RNF157: variants seen among roughly 807,000 people sequenced by gnomAD.
The protein encoded by RNF157 is E3 ubiquitin ligase RNF157.
A neutral mutation model predicts 88.3 loss-of-function variants in RNF157; 55 were observed. The observed-to-expected ratio is 0.62, with a 90% CI of 0.50 to 0.78. The LOEUF is 0.78. Among genes scored for constraint, RNF157 ranks in the 30% least tolerant of loss-of-function variants. The pLI is 0.00. For synonymous variants in RNF157, 334 were observed against 341.2 expected, an observed-to-expected ratio of 0.98 and a Z score of 0.23; for missense variants, 788 against 860.8, an observed-to-expected ratio of 0.92 and a Z score of 1.06.
At chr17:76,148,504 T>C (rs1021917756) in intron 18 of RNF157, among the ~76,000 whole-genome samples, 9 of 151,756 alleles carry the variant, frequency 5.9e-5, no homozygotes, top group African/African-American at 2.2e-4. Flanking sequence ...CCTGATCTTG[T>C]GATCCGCCCA....
intron 1 of RNF157, among the ~76,000 whole-genome samples, chr17:76,219,294 AG>A (rs2069941667): frequency 1.3e-5 from 2 of 151,982 alleles, no homozygotes; most frequent in South Asian, 2.1e-4. Context: ...GACTACATAA[AG>A]ACTATATAAA....
At chr17:76,231,710 G>C (rs2070196228) in intron 1 of RNF157, among the ~76,000 whole-genome samples, 1 of 152,062 alleles carries the variant, frequency 6.6e-6, no homozygotes, top group Non-Finnish European at 1.5e-5. Flanking sequence ...TCAAGCTCTT[G>C]TCTTTATTTT....
chr17:76,167,060 C>T lies in RNF157; in HGVS notation c.510G>A (p.Gln170=), dbSNP rs1330287263. ...CCACGGTGTGGGAGGGCAGGCAGAA[C>T]TGCTGACACACTCCTCGCTTGTACT... is the stretch of plus-strand genomic sequence containing the variant. ...TVQYKRGVCQ[Q]FCLPSHTVDP... is the part of the protein sequence containing the mutation. The change falls in exon 5 of 19, where the codon CAG becomes CAA. Residue 170 remains glutamine (Q), a synonymous_variant. Coordinates refer to ENST00000269391, the MANE Select transcript of RNF157 (RefSeq NM_052916.3). The T allele has an allele frequency of 1.9e-6, 3 of 1,612,988 alleles. No individual in the cohort carries two copies. The highest frequency in any genetic ancestry group is 1.7e-5 in the Admixed American group (1 of 59,868).
At chr17:76,191,414 C>T (rs1005584605) in intron 2 of RNF157, among the ~76,000 whole-genome samples, 2 of 151,920 alleles carry the variant, frequency 1.3e-5, no homozygotes, top group Non-Finnish European at 2.9e-5. Flanking sequence ...AGTTTAAGAC[C>T]AGCCTGGCCA....
chr17:76,240,066 C>A lies in RNF157; in HGVS notation c.88+87G>T. 1.3e-6 allele frequency: 1 copy of A among 747,496 alleles called. No individual in the cohort carries two copies. Among genetic ancestry groups the A allele is most frequent in the Non-Finnish European group, 1.8e-6 (1 of 560,962 alleles). The allele number at this position is 747,496 out of a possible 1,614,324, so 46.3% of individuals were successfully genotyped here. ...CCGCAACCACTGAGTCCCCGAAGAC[C>A]CGCGGGGCCCCCTCAGGCCGTCCCG... On this transcript the variant is annotated intron_variant, in intron 1 of 18. Transcript: ENST00000269391. The surrounding 1 kb of genome is among the most constrained non-coding windows in gnomAD (Gnocchi z 4.4).
chr17:76,214,152 CTT>C (rs1422917457), intron 1 of RNF157, among the ~76,000 whole-genome samples: 1 of 152,136 alleles, frequency 6.6e-6, no homozygotes, highest in Non-Finnish European at 1.5e-5. Flanking sequence ...GGGGGGCAGT[CTT>C]GTGAGATTGC....
chr17:76,158,043 C>T (rs2068792054), intron 13 of RNF157, among the ~76,000 whole-genome samples: 1 of 152,116 alleles, frequency 6.6e-6, no homozygotes, highest in African/African-American at 2.4e-5. Context: ...CACTCCCTTC[C>T]CACATGTCAC....
At chr17:76,225,872 T>A in intron 1 of RNF157, 1 of 1,613,552 alleles carries the variant, frequency 6.2e-7, no homozygotes, top group Non-Finnish European at 8.5e-7. Flanking sequence ...CTTTTCCAGC[T>A]CTTTGCACTC....
intron 13 of RNF157, 94 bp downstream of exon 13, chr17:76,158,299 A>C: frequency 2.4e-6 from 2 of 820,586 alleles, no homozygotes; most frequent in Non-Finnish European, 4.2e-6. Context: ...GTGTTTGATG[A>C]GTGAATGAGA....
intron 17 of RNF157, chr17:76,153,023 AGT>A (rs1350909381): frequency 6.6e-5 from 10 of 152,534 alleles, no homozygotes; most frequent in African/African-American, 2.4e-4. Context: ...TGTTATTTTC[AGT>A]GTGTTTTAAG....
Position 76,161,453 on chromosome 17 carries a change from G to T in RNF157, c.1065+82C>A. 9.5e-7 allele frequency: 1 copy of T among 1,053,994 alleles called. No individual in the cohort carries two copies. Among genetic ancestry groups the T allele is most frequent in the Non-Finnish European group, 1.5e-6 (1 of 675,108 alleles). 65.3% of individuals were successfully genotyped at this position (1,053,994 alleles called of 1,614,324 possible). On this transcript the variant is annotated intron_variant, in intron 11 of 18. Transcript: ENST00000269391. The surrounding 1 kb of genome is among the most constrained non-coding windows in gnomAD (Gnocchi z 4.6). ...CCCTGGTCTAATTCCTTGCTGCAATGCCACGTAGAGAAGCATGAAAAGTTT... is the reference window on the plus strand; with the variant it reads ...CCCTGGTCTAATTCCTTGCTGCAATTCCACGTAGAGAAGCATGAAAAGTTT...
chr17:76,146,772 C>T lies in RNF157; in HGVS notation c.1922-1419G>A. The T allele has an allele frequency of 1.0e-6, 1 of 985,154 alleles. No homozygotes were observed. The highest frequency in any genetic ancestry group is 1.2e-6 in the Non-Finnish European group (1 of 829,644). 61.0% of individuals were successfully genotyped at this position (985,154 alleles called of 1,614,324 possible). A position where few individuals can be genotyped will look rare whatever the true frequency, so the allele number is the denominator to read the frequency against. ...ACTTCTTCACTGTTGCAGTCCAGAGCCCAGCACAACACCTGACCCATAGGA... is the reference window on the plus strand; with the variant it reads ...ACTTCTTCACTGTTGCAGTCCAGAGTCCAGCACAACACCTGACCCATAGGA... On this transcript the variant is annotated intron_variant, in intron 18 of 18. Coordinates refer to ENST00000269391, the MANE Select transcript of RNF157 (RefSeq NM_052916.3). The surrounding 1 kb of genome is among the most constrained non-coding windows in gnomAD (Gnocchi z 4.2).
chr17:76,231,021 C>A (rs1474608062), intron 1 of RNF157, among the ~76,000 whole-genome samples: 1 of 151,468 alleles, frequency 6.6e-6, no homozygotes, highest in Non-Finnish European at 1.5e-5. Flanking sequence ...CCACTGCAGC[C>A]TTGACCTCCT....
At position 76,157,201 on chromosome 17, in the gene RNF157, C is replaced by T. The variant is rs1017389527; in HGVS notation, c.1414-880G>A. On this transcript the variant is annotated intron_variant, in intron 13 of 18. Coordinates refer to ENST00000269391, the MANE Select transcript of RNF157 (RefSeq NM_052916.3). The surrounding 1 kb of genome is among the most constrained non-coding windows in gnomAD (Gnocchi z 5.6). ...CAGGATGGTCTCGATCTCCTGACCT[C>T]GTGATCCGCCCGCCTCGGCCTCCCA... 6.6e-6 allele frequency among the ~76,000 whole-genome samples: 1 copy of T among 152,198 alleles called. No homozygotes were observed. Among genetic ancestry groups the T allele is most frequent in the Non-Finnish European group, 1.5e-5 (1 of 68,026 alleles).
chr17:76,154,942 A>T (rs1163864021), intron 16 of RNF157, among the ~76,000 whole-genome samples: 3 of 152,212 alleles, frequency 2.0e-5, no homozygotes, highest in Non-Finnish European at 4.4e-5. Context: ...ACAGTCCTCC[A>T]TGTAAATACT....
intron 8 of RNF157, 192 bp downstream of exon 8, chr17:76,164,556 T>C: frequency 3.0e-6 from 1 of 330,394 alleles, no homozygotes; most frequent in Non-Finnish European, 5.5e-6. Context: ...CCCAAGTCGT[T>C]TGTAATAGCT....
At chr17:76,217,135 G>C (rs1291527054) in intron 1 of RNF157, among the ~76,000 whole-genome samples, 1 of 152,010 alleles carries the variant, frequency 6.6e-6, no homozygotes, top group African/African-American at 2.4e-5. Context: ...AAGATTGTAT[G>C]AATTAAAAAG....
In RNF157 at chr17:76,146,245, C is replaced by T. The variant is rs2068583610; in HGVS notation, c.1922-892G>A. ...GTGTGACCTTGGGCACATCAGTTTA[C>T]TGTGGGCCTTGGTTTTCTCACCCAT... On this transcript the variant is annotated intron_variant, in intron 18 of 18. Coordinates refer to ENST00000269391, the MANE Select transcript of RNF157 (RefSeq NM_052916.3). This position sits in a 1 kb window ranked among gnomAD's most constrained non-coding sequence, Gnocchi z 4.2. 3 of 623,604 alleles carry T rather than the reference C, an allele frequency of 4.8e-6. No individual in the cohort carries two copies. Among genetic ancestry groups the T allele is most frequent in the Non-Finnish European group, 6.0e-6 (3 of 499,510 alleles). The allele number at this position is 623,604 out of a possible 1,614,324, so 38.6% of individuals were successfully genotyped here. A position where few individuals can be genotyped will look rare whatever the true frequency, so the allele number is the denominator to read the frequency against.
intron 2 of RNF157, 142 bp downstream of exon 2, chr17:76,212,222 C>G: frequency 3.1e-6 from 2 of 639,992 alleles, no homozygotes; most frequent in South Asian, 3.7e-5. Context: ...ACCAAGGAGG[C>G]TGCAGTTTGT....
Sources: gnomAD v4.1 joint callset for allele counts (sites outside exome capture counted in the v4.1 genomes callset) on GRCh38, gnomAD v4.1.1 for gene constraint, Gnocchi (gnomAD v3.1) non-coding constraint, MANE v1.5 for transcripts, NCBI Gene and HGNC (gene_info 2026-07-23, HGNC 2026-07-21) for gene names.